HEPHL1: variants seen among roughly 807,000 people sequenced by gnomAD.
The protein encoded by HEPHL1 is hephaestin like 1.
Under a neutral mutation model 122.0 loss-of-function variants are expected in HEPHL1, and 123 were observed. The ratio of observed to expected loss-of-function variants is 1.01; its 90% CI spans 0.87 to 1.17. The LOEUF (loss-of-function observed/expected upper bound fraction) is 1.17, where lower values mean the gene tolerates loss of function less well. Ranked by LOEUF, HEPHL1 falls within the 50% of genes most tolerant of loss-of-function variation. HEPHL1 has a pLI of 0.00. For synonymous variants in HEPHL1, 527 were observed against 508.9 expected, an observed-to-expected ratio of 1.04 and a Z score of -0.48; for missense variants, 1,452 against 1,430.5, an observed-to-expected ratio of 1.01 and a Z score of -0.24.
chr11:94,088,446 G>A (rs1946235596), intron 11 of HEPHL1, among the ~76,000 whole-genome samples: 1 of 152,138 alleles, frequency 6.6e-6, no homozygotes, highest in Admixed American at 6.5e-5. Flanking sequence ...GATTTTCCAG[G>A]ACAGACTGTC....
chr11:94,035,733 CTT>C (rs1945714846), intron 1 of HEPHL1, among the ~76,000 whole-genome samples: 1 of 152,072 alleles, frequency 6.6e-6, no homozygotes, highest in Admixed American at 6.5e-5. Context: ...ATGAAAGTCT[CTT>C]TTATTTTATT....
chr11:94,044,718 T>C (rs1287099520), intron 1 of HEPHL1, among the ~76,000 whole-genome samples: 3 of 152,050 alleles, frequency 2.0e-5, no homozygotes, highest in Admixed American at 1.3e-4. Context: ...ATTCTTGCAA[T>C]TGTCTGACCT....
chr11:94,033,474 A>G (rs932251601), intron 1 of HEPHL1, among the ~76,000 whole-genome samples: 2 of 152,064 alleles, frequency 1.3e-5, no homozygotes, highest in African/African-American at 4.8e-5. Context: ...AAGAGCAACT[A>G]TGTGCTTGGA....
chr11:94,090,736 C>A (rs181161936), intron 12 of HEPHL1, among the ~76,000 whole-genome samples: 14 of 152,316 alleles, frequency 9.2e-5, no homozygotes, highest in South Asian at 4.1e-4. Flanking sequence ...CCCTTCTGCA[C>A]CCTAGTTTCT....
intron 1 of HEPHL1, among the ~76,000 whole-genome samples, chr11:94,044,160 T>A (rs1381362879): frequency 6.6e-6 from 1 of 151,898 alleles, no homozygotes; most frequent in Non-Finnish European, 1.5e-5. Flanking sequence ...GCTTCACCTC[T>A]CCAGGAGAAG....
rs777977367 is a variant in HEPHL1 at position 94,086,142 on chromosome 11, T to C, written c.2033T>C (p.Leu678Pro). ...LRGTHRDSLA[L>P]FPHMATTAFM... ...GGGACTCACCGAGACTCCCTGGCCC[T>C]GTTTCCCCACATGGCCACAACAGCA... The change falls in exon 11 of 20, where the codon CTG becomes CCG. Residue 678 changes from leucine to proline, a missense_variant. Transcript: ENST00000315765. 5 of 1,612,478 alleles carry C rather than the reference T, an allele frequency of 3.1e-6. No individual in the cohort carries two copies. The highest frequency in any genetic ancestry group is 1.6e-4 in the Middle Eastern group (1 of 6,074).
chr11:94,029,036 C>A (rs1945649529), intron 1 of HEPHL1, among the ~76,000 whole-genome samples: 1 of 152,120 alleles, frequency 6.6e-6, no homozygotes, highest in Non-Finnish European at 1.5e-5. Context: ...ACTGTATTGC[C>A]CAGGCTAGTC....
intron 14 of HEPHL1, among the ~76,000 whole-genome samples, chr11:94,101,979 A>G (rs1946371057): frequency 6.6e-6 from 1 of 152,234 alleles, no homozygotes; most frequent in Non-Finnish European, 1.5e-5. Flanking sequence ...AGCTTTTATT[A>G]TAGTGTACTG....
chr11:94,090,220 A>G (rs1946255458), intron 12 of HEPHL1, among the ~76,000 whole-genome samples: 1 of 152,138 alleles, frequency 6.6e-6, no homozygotes, highest in African/African-American at 2.4e-5. Flanking sequence ...AGTGCTGCCA[A>G]TACAAGCTGA....
rs1355550916 is a variant in HEPHL1, at chr11:94,063,610, C to A, written c.518C>A (p.Ala173Glu). The A allele has an allele frequency of 3.7e-6, 6 of 1,613,798 alleles. No homozygotes were observed. The highest frequency in any genetic ancestry group is 5.1e-6 in the Non-Finnish European group (6 of 1,179,802). The change falls in exon 3 of 20, where the codon GCA becomes GAA. Residue 173 changes from alanine (A) to glutamate (E), a missense_variant. Transcript: ENST00000315765. ...GTCTGGCCGGTGAGAGAAGAATATG[C>A]ACCTACTCCAGCCGATGCCAACTGC... Reference protein sequence around the residue: ...TYVWPVREEYAPTPADANCLT... With the variant: ...TYVWPVREEYEPTPADANCLT...
At position 94,104,733 on chromosome 11, in the gene HEPHL1, A is replaced by G; in HGVS notation, c.2888A>G (p.Glu963Gly). ...TTTAAGCGCACTGATGATTTTGAGG[A>G]AAGCAACAGAATGCATGGTATATCC... ...RDFKRTDDFE[E>G]SNRMHAINGK... is the part of the protein sequence containing the mutation. Residue 963 changes from glutamate (E) to glycine (G), a missense_variant, in exon 16 of 20, where the codon GAA (glutamate) becomes GGA (glycine). By Grantham distance (98) the Glu-to-Gly change is moderately conservative. Transcript: ENST00000315765. 6.2e-7 allele frequency: 1 copy of G among 1,612,840 alleles called. No individual in the cohort carries two copies. The highest frequency in any genetic ancestry group is 8.5e-7 in the Non-Finnish European group (1 of 1,178,888).
In HEPHL1 at chr11:94,101,268, C is replaced by T. The variant is rs748204425; in HGVS notation, c.2508C>T (p.Ser836=). The change falls in exon 14 of 20, where the codon TCC becomes TCT. Residue 836 remains serine (S), a synonymous_variant. Coordinates refer to ENST00000315765, the MANE Select transcript of HEPHL1 (RefSeq NM_001098672.2). ...IFKNKASRPY[S]ISAQGVEEMD... ...AGAACAAAGCCAGTAGGCCCTACTC[C>T]ATCTCAGCCCAGGGTGTGGAGGAGA... 2.0e-5 allele frequency: 32 copies of T among 1,613,852 alleles called. No individual in the cohort carries two copies. The highest frequency in any genetic ancestry group is 2.6e-5 in the Non-Finnish European group (31 of 1,179,838).
Position 94,070,440 on chromosome 11 carries a change from G to C in HEPHL1, c.1130G>C (p.Gly377Ala). Residue 377 changes from glycine (G) to alanine (A), a missense_variant, in exon 6 of 20, where the codon GGT (glycine) becomes GCT (alanine). By Grantham distance (60) the Gly-to-Ala change is moderately conservative. Coordinates refer to ENST00000315765, the MANE Select transcript of HEPHL1 (RefSeq NM_001098672.2). Reference sequence around the variant, plus strand: ...GATATTTTCTACCCCAAGATGAAGGGTCAACAGAGGCGCTACTTTATAGCA... The same window carrying C: ...GATATTTTCTACCCCAAGATGAAGGCTCAACAGAGGCGCTACTTTATAGCA... Reference protein sequence around the residue: ...KSDIFYPKMKGQQRRYFIAAE... With the variant: ...KSDIFYPKMKAQQRRYFIAAE... 1 of 1,607,392 alleles carries C rather than the reference G, an allele frequency of 6.2e-7. No homozygotes were observed. The highest frequency in any genetic ancestry group is 1.7e-4 in the Middle Eastern group (1 of 6,050).
At chr11:94,110,032 T>C (rs1169051343) in intron 17 of HEPHL1, among the ~76,000 whole-genome samples, 3 of 152,256 alleles carry the variant, frequency 2.0e-5, no homozygotes, top group Admixed American at 6.5e-5. Context: ...GTTATCAATG[T>C]ATTCTTGAGT....
chr11:94,109,365 T>C (rs776597649), intron 17 of HEPHL1, among the ~76,000 whole-genome samples: 3 of 152,192 alleles, frequency 2.0e-5, no homozygotes, highest in African/African-American at 7.2e-5. Context: ...CTTACTGCAA[T>C]GGCTAGGACC....
At chr11:94,037,907 C>T (rs950367353) in intron 1 of HEPHL1, among the ~76,000 whole-genome samples, 14 of 151,412 alleles carry the variant, frequency 9.2e-5, no homozygotes, top group Admixed American at 5.9e-4. Context: ...AGGCTTCAGA[C>T]GATCAAATTA....
intron 12 of HEPHL1, among the ~76,000 whole-genome samples, chr11:94,091,376 A>G (rs2134444820): frequency 6.6e-6 from 1 of 152,328 alleles, no homozygotes; most frequent in Non-Finnish European, 1.5e-5. Flanking sequence ...GCAGTGGAGA[A>G]AGCTGGGAAA....
At chr11:94,052,281 T>G (rs1015601916) in intron 2 of HEPHL1, among the ~76,000 whole-genome samples, 6 of 152,244 alleles carry the variant, frequency 3.9e-5, no homozygotes, top group African/African-American at 1.4e-4. Flanking sequence ...TTTTTTGTCC[T>G]CTTCAATTTC....
At chr11:94,058,897 A>ACTTT in intron 2 of HEPHL1, among the ~76,000 whole-genome samples, 1 of 152,186 alleles carries the variant, frequency 6.6e-6, no homozygotes, top group Middle Eastern at 3.4e-3. Context: ...AAAAAAGTAT[A>ACTTT]AAGAAGAGGA....
Sources: allele counts gnomAD v4.1 joint callset (sites outside exome capture counted in the v4.1 genomes callset), GRCh38; gene constraint gnomAD v4.1.1; transcripts MANE v1.5; gene names NCBI Gene and HGNC (gene_info 2026-07-23, HGNC 2026-07-21).